ROBO1: variants seen among roughly 807,000 people sequenced by gnomAD.
The protein encoded by ROBO1 is roundabout homolog 1.
A neutral mutation model predicts 195.9 loss-of-function variants in ROBO1; 149 were observed. That is an observed-to-expected ratio of 0.76 (90% CI 0.67 to 0.87). The LOEUF (loss-of-function observed/expected upper bound fraction) is 0.87, where lower values mean the gene tolerates loss of function less well. Among genes scored for constraint, ROBO1 ranks in the 40% least tolerant of loss-of-function variants. ROBO1 has a pLI of 0.00. For missense variants in ROBO1, 1,933 were observed against 2,068.3 expected (o/e 0.93, Z 1.27); for synonymous variants, 816 against 733.2 (o/e 1.11, Z -1.82).
intron 26 of ROBO1, among the ~76,000 whole-genome samples, chr3:78,620,425 T>C (rs1394598220): frequency 6.6e-6 from 1 of 152,020 alleles, no homozygotes; most frequent in African/African-American, 2.4e-5. Flanking sequence ...GGCAGGAGAA[T>C]TGTTCCAACC....
At chr3:79,234,753 A>T (rs2082378667) in intron 2 of ROBO1, among the ~76,000 whole-genome samples, 1 of 152,170 alleles carries the variant, frequency 6.6e-6, no homozygotes, top group Non-Finnish European at 1.5e-5. Context: ...TCTCACTTAT[A>T]AATGGGAACT....
At chr3:79,278,377 A>AAAACAAACAAACAAAC (rs113781391) in intron 2 of ROBO1, among the ~76,000 whole-genome samples, 5 of 150,872 alleles carry the variant, frequency 3.3e-5, no homozygotes, top group African/African-American at 1.2e-4. Context: ...AGCAAAAACA[A>AAAACAAACAAACAAAC]AAACAAACAA....
intron 2 of ROBO1, among the ~76,000 whole-genome samples, chr3:79,381,369 AAAAAAAAAGAAAAGAAAAGAAAAG>A (rs1425989914): frequency 1.7e-5 from 2 of 116,490 alleles, no homozygotes; most frequent in Non-Finnish European, 3.6e-5. Context: ...AAAAAAAAAA[AAAAAAAAAGAAAAGAAAAGAAAAG>A]AAAAGAAAAG....
intron 2 of ROBO1, among the ~76,000 whole-genome samples, chr3:79,462,847 T>C (rs934746662): frequency 6.6e-6 from 1 of 152,218 alleles, no homozygotes; most frequent in Non-Finnish European, 1.5e-5. Flanking sequence ...CTGTGGTGTA[T>C]TGCCACCTTT....
chr3:78,936,086 A>T (rs900805121), intron 4 of ROBO1, among the ~76,000 whole-genome samples: 1 of 152,034 alleles, frequency 6.6e-6, no homozygotes, highest in Non-Finnish European at 1.5e-5. Flanking sequence ...TAATCCCCCA[A>T]ATAACTGATA....
chr3:79,510,174 CCATAAT>C (rs1940628243), intron 2 of ROBO1, among the ~76,000 whole-genome samples: 1 of 152,156 alleles, frequency 6.6e-6, no homozygotes, highest in Non-Finnish European at 1.5e-5. Flanking sequence ...ATTGTAGTTA[CCATAAT>C]CCCCACGTCA....
Position 78,996,715 on chromosome 3 carries a change from A to AACAC in ROBO1, c.173-57792_173-57789dup, listed in dbSNP as rs113443642. ...ACACATGCACACATACACACACACA[A>AACAC]ACACACACACACACACCCCTTTTGA... On this transcript the variant is annotated intron_variant, in intron 3 of 30. Transcript: ENST00000464233. Among the ~76,000 whole-genome samples, 10 of 151,014 alleles carry AACAC rather than the reference A, an allele frequency of 6.6e-5. 1 individual carries two copies. Among genetic ancestry groups the AACAC allele is most frequent in the African/African-American group, 2.4e-4 (10 of 41,250 alleles).
intron 1 of ROBO1, among the ~76,000 whole-genome samples, chr3:79,629,853 A>G (rs1316539479): frequency 6.6e-6 from 1 of 152,070 alleles, no homozygotes; most frequent in Non-Finnish European, 1.5e-5. Flanking sequence ...AGAGGCTACT[A>G]TGAGCATCTC....
At chr3:79,615,356 T>A (rs1172043901) in intron 1 of ROBO1, among the ~76,000 whole-genome samples, 1 of 152,178 alleles carries the variant, frequency 6.6e-6, no homozygotes. Flanking sequence ...TTGTTCCATA[T>A]TTCCAGACTG....
At chr3:79,310,706 G>T (rs2033444561) in intron 2 of ROBO1, among the ~76,000 whole-genome samples, 1 of 151,926 alleles carries the variant, frequency 6.6e-6, no homozygotes, top group African/African-American at 2.4e-5. Flanking sequence ...ATTACACATT[G>T]CATATATCAA....
chr3:79,243,157 A>G (rs1422186802), intron 2 of ROBO1, among the ~76,000 whole-genome samples: 1 of 151,986 alleles, frequency 6.6e-6, no homozygotes, highest in Non-Finnish European at 1.5e-5. Context: ...TACAAAGGAC[A>G]TGAACTCATC....
intron 2 of ROBO1, among the ~76,000 whole-genome samples, chr3:79,444,715 TA>T (rs2039180831): frequency 6.6e-6 from 1 of 152,080 alleles, no homozygotes; most frequent in Non-Finnish European, 1.5e-5. Flanking sequence ...GAATCAAATG[TA>T]CATGAATAGT....
intron 2 of ROBO1, among the ~76,000 whole-genome samples, chr3:79,243,825 T>A (rs2082570290): frequency 6.6e-6 from 1 of 152,186 alleles, no homozygotes; most frequent in South Asian, 2.1e-4. Context: ...GCAGAAGCTC[T>A]TTAGTTTAAT....
intron 4 of ROBO1, among the ~76,000 whole-genome samples, chr3:78,771,243 G>T (rs1225192343): frequency 6.6e-6 from 1 of 152,012 alleles, no homozygotes; most frequent in Non-Finnish European, 1.5e-5. Context: ...CTATTCCATT[G>T]CACTGGTCTA....
At chr3:79,281,794 A>C (rs929624171) in intron 2 of ROBO1, among the ~76,000 whole-genome samples, 2 of 152,226 alleles carry the variant, frequency 1.3e-5, no homozygotes, top group African/African-American at 4.8e-5. Context: ...CTATTTTGCA[A>C]ATGAGGCAAC....
chr3:78,649,368 A>G (rs1262930282), intron 19 of ROBO1, among the ~76,000 whole-genome samples: 5 of 152,092 alleles, frequency 3.3e-5, no homozygotes, highest in Non-Finnish European at 7.4e-5. Flanking sequence ...CAAAGCTTCC[A>G]ATAATATAAT....
intron 2 of ROBO1, among the ~76,000 whole-genome samples, chr3:79,292,234 G>A (rs892349496): frequency 2.6e-5 from 4 of 152,210 alleles, no homozygotes; most frequent in African/African-American, 7.2e-5. Flanking sequence ...TTTGTAACCT[G>A]AGACTTTGCT....
rs138446024 is a variant in ROBO1 at position 78,694,535 on chromosome 3, A to T, written c.1046-5763T>A. ...GAGTGAAATAATGTCTTTATTTTTC[A>T]TTACAGAGAAAACAAAACTAAGCAT... On this transcript the variant is annotated intron_variant, in intron 8 of 30. Transcript: ENST00000464233. Among the ~76,000 whole-genome samples the T allele has an allele frequency of 3.0e-3, 458 of 152,306 alleles. 2 individuals carry two copies. Among genetic ancestry groups the T allele is most frequent in the African/African-American group, 0.01 (432 of 41,578 alleles).
chr3:79,407,568 G>T (rs1292981908), intron 2 of ROBO1, among the ~76,000 whole-genome samples: 3 of 151,942 alleles, frequency 2.0e-5, no homozygotes, highest in Admixed American at 6.6e-5. Flanking sequence ...TTCTTTCTGT[G>T]TTCTTCCCTG....
Sources: allele counts gnomAD v4.1 joint callset (sites outside exome capture counted in the v4.1 genomes callset), GRCh38; gene constraint gnomAD v4.1.1; transcripts MANE v1.5; gene names NCBI Gene and HGNC (gene_info 2026-07-23, HGNC 2026-07-21).